The following PDE4D variants were observed in gnomAD, a reference collection of about 807,000 sequenced individuals.
PDE4D encodes 3',5'-cyclic-AMP phosphodiesterase 4D.
Under a neutral mutation model 87.4 loss-of-function variants are expected in PDE4D, and 24 were observed. The observed-to-expected ratio is 0.27, with a 90% CI of 0.20 to 0.39. The LOEUF (loss-of-function observed/expected upper bound fraction) is 0.39, where lower values mean the gene tolerates loss of function less well. Ranked by LOEUF, PDE4D falls within the 10% of genes least tolerant of loss-of-function variation. The pLI is 1.00. For missense variants in PDE4D, 714 were observed against 1,041.0 expected (o/e 0.69, Z 4.32); for synonymous variants, 384 against 383.2 (o/e 1.00, Z -0.02).
intron 1 of PDE4D, among the ~76,000 whole-genome samples, chr5:60,248,429 C>T (rs1562256905): frequency 1.3e-5 from 2 of 152,008 alleles, no homozygotes; most frequent in African/African-American, 2.4e-5. Context: ...TCTCACTCCT[C>T]ATGAGTTGGG....
At chr5:59,830,050 A>T (rs1184305013) in intron 1 of PDE4D, among the ~76,000 whole-genome samples, 1 of 152,104 alleles carries the variant, frequency 6.6e-6, no homozygotes, top group South Asian at 2.1e-4. Flanking sequence ...TAGTTACCAG[A>T]CAAGTACACT....
At chr5:59,413,382 C>T (rs549846423) in intron 1 of PDE4D, among the ~76,000 whole-genome samples, 24 of 145,694 alleles carry the variant, frequency 1.6e-4, no homozygotes, top group African/African-American at 5.4e-4. Context: ...GGCGTGAACC[C>T]GGGAGGCAGA....
chr5:59,490,605 A>G (rs959620852), intron 1 of PDE4D, among the ~76,000 whole-genome samples: 1 of 152,204 alleles, frequency 6.6e-6, no homozygotes, highest in Non-Finnish European at 1.5e-5. Context: ...GTATTTCTTT[A>G]TATGTTACAT....
chr5:59,226,366 C>T (rs1320058816), intron 1 of PDE4D, among the ~76,000 whole-genome samples: 2 of 152,094 alleles, frequency 1.3e-5, no homozygotes, highest in Non-Finnish European at 2.9e-5. Context: ...ATTTTGAGGA[C>T]ATTATGCCAA....
intron 1 of PDE4D, among the ~76,000 whole-genome samples, chr5:59,257,879 C>T (rs1050992706): frequency 1.3e-4 from 19 of 151,948 alleles, no homozygotes; most frequent in African/African-American, 4.3e-4. Flanking sequence ...TCTCTGACCT[C>T]GGCTCACCAA....
chr5:59,199,660 C>T (rs1202632612), intron 2 of PDE4D, among the ~76,000 whole-genome samples: 1 of 152,022 alleles, frequency 6.6e-6, no homozygotes. Flanking sequence ...CAAGTATGTT[C>T]TAATTTTAAA....
intron 1 of PDE4D, among the ~76,000 whole-genome samples, chr5:59,262,454 C>G (rs956158410): frequency 1.3e-5 from 2 of 151,470 alleles, no homozygotes; most frequent in African/African-American, 4.8e-5. Flanking sequence ...TTTTTTTAAG[C>G]CTAATTTCTT....
chr5:59,908,056 C>T lies in PDE4D; in HGVS notation c.272+80432G>A, dbSNP rs536768113. 2.0e-5 allele frequency among the ~76,000 whole-genome samples: 3 copies of T among 152,080 alleles called. No individual in the cohort carries two copies. The East Asian group carries it at 5.8e-4, about 29-fold the overall frequency. On this transcript the variant is annotated intron_variant, in intron 3 of 16. Transcript: ENST00000502484. ...GTTATTTGCACTGAACTGAACCTGA[C>T]CTATACATAACGTTTTAACTCTTCA...
At chr5:59,762,567 TATATGTGTATATGGGTACAC>T (rs1762221460) in intron 1 of PDE4D, among the ~76,000 whole-genome samples, 1 of 144,108 alleles carries the variant, frequency 6.9e-6, no homozygotes, top group South Asian at 2.2e-4. Context: ...CACATATGTG[TATATGTGTATATGGGTACAC>T]ATATGTGTAT....
intron 2 of PDE4D, among the ~76,000 whole-genome samples, chr5:60,121,606 A>C (rs1778691392): frequency 6.6e-6 from 1 of 151,996 alleles, no homozygotes. Flanking sequence ...GTGTGGAGGA[A>C]ACTGCCCCAT....
intron 1 of PDE4D, among the ~76,000 whole-genome samples, chr5:60,241,144 T>A (rs1371618922): frequency 6.6e-6 from 1 of 151,954 alleles, no homozygotes; most frequent in African/African-American, 2.4e-5. Context: ...AAGAAGGAAT[T>A]TAGAATAATA....
upstream of PDE4D, among the ~76,000 whole-genome samples, chr5:59,894,392 A>G (rs1332276172): frequency 6.6e-6 from 1 of 152,236 alleles, no homozygotes; most frequent in Non-Finnish European, 1.5e-5. Flanking sequence ...CGCGTCGCTG[A>G]AAAATTGGAT....
At chr5:59,582,354 C>T (rs1047120703) in intron 1 of PDE4D, among the ~76,000 whole-genome samples, 1 of 152,108 alleles carries the variant, frequency 6.6e-6, no homozygotes, top group Non-Finnish European at 1.5e-5. Context: ...CTGGAAAATG[C>T]ACTTCTGGAT....
At chr5:59,594,108 A>G (rs1485991523) in intron 1 of PDE4D, among the ~76,000 whole-genome samples, 1 of 150,998 alleles carries the variant, frequency 6.6e-6, no homozygotes, top group Non-Finnish European at 1.5e-5. Context: ...GAAATACTCA[A>G]TTCCAGCCCA....
intron 1 of PDE4D, among the ~76,000 whole-genome samples, chr5:59,349,463 G>A (rs1349660223): frequency 6.6e-6 from 1 of 152,098 alleles, no homozygotes; most frequent in Non-Finnish European, 1.5e-5. Flanking sequence ...GACAGGCTTT[G>A]ATCCAGCTGC....
At chr5:59,004,170 A>C (rs191168126) in intron 6 of PDE4D, among the ~76,000 whole-genome samples, 1 of 152,286 alleles carries the variant, frequency 6.6e-6, no homozygotes, top group African/African-American at 2.4e-5. Flanking sequence ...TTATCAGTGA[A>C]ATAAAGGAGA....
At chr5:60,400,275 C>A (rs1440444110) in intron 1 of PDE4D, among the ~76,000 whole-genome samples, 1 of 152,130 alleles carries the variant, frequency 6.6e-6, no homozygotes, top group East Asian at 1.9e-4. Flanking sequence ...GTAATCCCAG[C>A]ACTTTGGGAG....
In PDE4D at chr5:59,777,876, T is replaced by A. The variant is rs75070647; in HGVS notation, c.455+115292A>T. ...AAAGATTCCATTCTAGAAGCAAACT[T>A]TGCTATATTAAATCCACACTTTTTA... is the stretch of plus-strand genomic sequence containing the variant. On this transcript the variant is annotated intron_variant, in intron 1 of 14. Coordinates refer to ENST00000340635, the MANE Select transcript of PDE4D (RefSeq NM_001104631.2). Among the ~76,000 whole-genome samples the A allele has an allele frequency of 2.0e-4, 30 of 152,290 alleles. No homozygotes were observed. In the East Asian group the frequency reaches 3.5e-3, roughly 18 times the overall value.
In PDE4D at chr5:58,975,665, T is replaced by C. The variant is rs982682220; in HGVS notation, c.2005A>G (p.Lys669Glu). Residue 669 changes from lysine (K) to glutamate (E), a missense_variant, in exon 14 of 15, where the codon AAA becomes GAA. Physicochemically the swap from Lys to Glu is moderately conservative, Grantham distance 56. Transcript: ENST00000340635. The surrounding 1 kb of genome is among the most constrained non-coding windows in gnomAD (Gnocchi z 4.2). ...MCDKHNASVE[K>E]SQVGFIDYIV... ...TACACTTCATGCATTACCTGTGATT[T>C]TTCCACGGAAGCATTGTGCTTGTCA... 3.1e-6 allele frequency: 5 copies of C among 1,594,964 alleles called. No individual in the cohort carries two copies. Among genetic ancestry groups the C allele is most frequent in the Non-Finnish European group, 4.3e-6 (5 of 1,170,280 alleles).
Sources: gnomAD v4.1 joint callset for allele counts (sites outside exome capture counted in the v4.1 genomes callset) on GRCh38, gnomAD v4.1.1 for gene constraint, Gnocchi (gnomAD v3.1) non-coding constraint, MANE v1.5 for transcripts, NCBI Gene and HGNC (gene_info 2026-07-23, HGNC 2026-07-21) for gene names.